The following CACNA1A variants were observed in gnomAD, a reference collection of about 807,000 sequenced individuals.
CACNA1A encodes voltage-dependent P/Q-type calcium channel subunit alpha-1A.
In CACNA1A, 57 loss-of-function variants were observed where a neutral mutation model predicts 262.4. That is an observed-to-expected ratio of 0.22 (90% CI 0.18 to 0.27). The LOEUF is 0.27. Ranked by LOEUF, CACNA1A falls within the 10% of genes least tolerant of loss-of-function variation. The probability of loss-of-function intolerance (pLI) is 1.00; values close to 1 mark genes in which losing one functional copy is unlikely to be tolerated. For missense variants in CACNA1A, 2,526 were observed against 3,562.8 expected (o/e 0.71, Z 7.41); for synonymous variants, 1,431 against 1,419.3 (o/e 1.01, Z -0.18).
At position 13,404,553 on chromosome 19, in the gene CACNA1A, C is replaced by T. The variant is rs948129916; in HGVS notation, c.540-32774G>A. Among the ~76,000 whole-genome samples the T allele has an allele frequency of 3.3e-5, 5 of 152,152 alleles. No individual in the cohort carries two copies. The South Asian group carries it at 8.3e-4, about 25-fold the overall frequency. On this transcript the variant is annotated intron_variant, in intron 3 of 46. Transcript: ENST00000360228. ...GAAGTGGCAAGTGGCCCAGGCTGCCCTGAACAGGACAGAAAATGGTTCAGA... is the reference window on the plus strand; with the variant it reads ...GAAGTGGCAAGTGGCCCAGGCTGCCTTGAACAGGACAGAAAATGGTTCAGA...
chr19:13,333,360 C>T (rs1023157346), intron 8 of CACNA1A, among the ~76,000 whole-genome samples: 3 of 152,132 alleles, frequency 2.0e-5, no homozygotes, highest in Non-Finnish European at 2.9e-5. Flanking sequence ...TCCTTCTTCA[C>T]GTCCTTCAGG....
intron 3 of CACNA1A, among the ~76,000 whole-genome samples, chr19:13,379,652 G>A (rs1017388501): frequency 2.0e-5 from 3 of 152,186 alleles, no homozygotes; most frequent in Admixed American, 6.6e-5. Flanking sequence ...AGGGCCGGGC[G>A]CGGTGGCTCA....
intron 6 of CACNA1A, among the ~76,000 whole-genome samples, chr19:13,359,307 C>G (rs1039999515): frequency 6.6e-6 from 1 of 152,188 alleles, no homozygotes; most frequent in Admixed American, 6.5e-5. Context: ...GTTTTTGGAT[C>G]ACATAACCTT....
chr19:13,402,447 G>A (rs8109893), intron 3 of CACNA1A, among the ~76,000 whole-genome samples: 2,433 of 151,790 alleles, frequency 0.016, 72 homozygotes, highest in African/African-American at 0.054. Flanking sequence ...TATACTGCCC[G>A]GGTGATGGGT....
In CACNA1A at chr19:13,214,966, T is replaced by C. The variant is rs1241508910; in HGVS notation, c.5732-358A>G. On this transcript the variant is annotated intron_variant, in intron 38 of 46. Transcript: ENST00000360228. This position sits in a 1 kb window ranked among gnomAD's most constrained non-coding sequence, Gnocchi z 4.1. ...TTCTCCATCTGTGAAATGGAGATGATAGCAAGAGTACTTGCCTCACCTGGT... is the reference window on the plus strand; with the variant it reads ...TTCTCCATCTGTGAAATGGAGATGACAGCAAGAGTACTTGCCTCACCTGGT... The C allele has an allele frequency of 9.0e-6, 2 of 221,196 alleles. No homozygotes were observed. Among genetic ancestry groups the C allele is most frequent in the Non-Finnish European group, 1.8e-5 (2 of 110,056 alleles). 13.7% of individuals were successfully genotyped at this position (221,196 alleles called of 1,614,324 possible). A position where few individuals can be genotyped will look rare whatever the true frequency, so the allele number is the denominator to read the frequency against.
At chr19:13,224,545 T>C in intron 38 of CACNA1A, 122 bp downstream of exon 38, 2 of 627,680 alleles carry the variant, frequency 3.2e-6, no homozygotes, top group Non-Finnish European at 5.6e-6. Flanking sequence ...GTGGAACGAA[T>C]GAATGGAAGA....
At chr19:13,210,015 C>T in intron 44 of CACNA1A, among the ~76,000 whole-genome samples, 1 of 151,842 alleles carries the variant, frequency 6.6e-6, no homozygotes, top group East Asian at 1.9e-4. Context: ...GCTAACGGGG[C>T]TGTGCTCGCT....
At chr19:13,433,481 A>C (rs2060556871) in intron 3 of CACNA1A, among the ~76,000 whole-genome samples, 1 of 146,832 alleles carries the variant, frequency 6.8e-6, no homozygotes, top group East Asian at 2.0e-4. Context: ...AAAAAAAAAA[A>C]AAGTCAGCTG....
At chr19:13,252,246 T>TA in intron 30 of CACNA1A, among the ~76,000 whole-genome samples, 1 of 151,858 alleles carries the variant, frequency 6.6e-6, no homozygotes, top group East Asian at 1.9e-4. Context: ...AAAAATTTTT[T>TA]TTTTTTTTGT....
chr19:13,217,972 C>T (rs1684926845), intron 38 of CACNA1A, among the ~76,000 whole-genome samples: 1 of 143,684 alleles, frequency 7.0e-6, no homozygotes, highest in South Asian at 2.2e-4. Flanking sequence ...GATAGGGTCT[C>T]ACTATGTTGC....
chr19:13,224,508 C>A lies in CACNA1A; in HGVS notation c.5731+159G>T, dbSNP rs377481166. Among the ~76,000 whole-genome samples the A allele has an allele frequency of 4.5e-3, 663 of 146,274 alleles. 7 individuals carry two copies. Among genetic ancestry groups the A allele is most frequent in the African/African-American group, 0.016 (624 of 39,652 alleles). ...TCTCAAAAAAAAAAAAAAAAAAACA[C>A]CAAAACCCCAAACCCCAAAAAACCC... On this transcript the variant is annotated intron_variant, in intron 38 of 46. Transcript: ENST00000360228.
rs1268839351 is a variant in CACNA1A at position 13,214,238 on chromosome 19, C to T, written c.5935G>A (p.Glu1979Lys). Residue 1979 changes from glutamate (E) to lysine (K), a missense_variant, in exon 40 of 47, where the codon GAG (glutamate) becomes AAG (lysine). Glu to Lys is a moderately conservative substitution (Grantham distance 56, BLOSUM62 1). This residue lies in a region of CACNA1A where 929 missense variants were observed against 868.1 expected (regional missense o/e 1.07). Coordinates refer to ENST00000360228, the MANE Select transcript of CACNA1A (RefSeq NM_001127222.2). The surrounding 1 kb of genome is among the most constrained non-coding windows in gnomAD (Gnocchi z 4.1). ...KAKKLQAMRE[E>K]QDRTPLMFQR... ...CAGAGCGGCGAACAGCGCACCTGCT[C>T]CTCGCGCATGGCCTGCAGCTTCTTG... 1 of 1,608,148 alleles carries T rather than the reference C, an allele frequency of 6.2e-7. No individual in the cohort carries two copies. The highest frequency in any genetic ancestry group is 8.5e-7 in the Non-Finnish European group (1 of 1,179,300).
chr19:13,503,834 A>G (rs1398990962), intron 1 of CACNA1A, among the ~76,000 whole-genome samples: 2 of 152,094 alleles, frequency 1.3e-5, no homozygotes, highest in African/African-American at 4.8e-5. Flanking sequence ...AGAGCAAGAA[A>G]GCCCCGGGCG....
At chr19:13,398,550 G>C (rs1450641667) in intron 3 of CACNA1A, among the ~76,000 whole-genome samples, 1 of 152,140 alleles carries the variant, frequency 6.6e-6, no homozygotes, top group African/African-American at 2.4e-5. Context: ...TGAGCTATCA[G>C]CTTCCAATTT....
chr19:13,374,422 A>T (rs537231464), intron 3 of CACNA1A, among the ~76,000 whole-genome samples: 22 of 151,764 alleles, frequency 1.4e-4, no homozygotes, highest in Admixed American at 2.0e-4. Flanking sequence ...AAATTAAAAA[A>T]TTTTTTTTGT....
chr19:13,381,073 G>T (rs1293801068), intron 3 of CACNA1A, among the ~76,000 whole-genome samples: 2 of 152,116 alleles, frequency 1.3e-5, no homozygotes, highest in Non-Finnish European at 2.9e-5. Context: ...ACTATGCCCA[G>T]CCTGAAGCAT....
chr19:13,406,429 T>C (rs1428101531), intron 3 of CACNA1A, among the ~76,000 whole-genome samples: 1 of 137,168 alleles, frequency 7.3e-6, no homozygotes, highest in Admixed American at 7.7e-5. Flanking sequence ...GGCTTCAGCC[T>C]GGGTGACAGA....
At chr19:13,278,909 G>T (rs1230068053) in intron 22 of CACNA1A, among the ~76,000 whole-genome samples, 2 of 151,988 alleles carry the variant, frequency 1.3e-5, no homozygotes, top group Non-Finnish European at 2.9e-5. Flanking sequence ...GGTGCAAGGG[G>T]ATTGGCTTGA....
In CACNA1A at chr19:13,449,142, A is replaced by AT. The variant is rs974216822; in HGVS notation, c.539+3733dup. ...TCATCATGCCTGGCTAATTTTTTGC[A>AT]TTTTTTTTATAGATGGGGTTTCACC... On this transcript the variant is annotated intron_variant, in intron 3 of 46. Transcript: ENST00000360228. Among the ~76,000 whole-genome samples, 19 of 149,330 alleles carry AT rather than the reference A, an allele frequency of 1.3e-4. No homozygotes were observed. The South Asian group carries it at 1.7e-3, about 13-fold the overall frequency.
Sources: allele counts gnomAD v4.1 joint callset (sites outside exome capture counted in the v4.1 genomes callset), GRCh38; gene constraint gnomAD v4.1.1; regional missense constraint gnomAD v4.1.1; non-coding constraint Gnocchi (gnomAD v3.1); transcripts MANE v1.5; gene names NCBI Gene and HGNC (gene_info 2026-07-23, HGNC 2026-07-21).